Variants in CNOT7 observed in about 807,000 individuals in gnomAD.
CNOT7 encodes CCR4-NOT transcription complex subunit 7, also known as BTG1-binding factor 1.
In CNOT7, 4 loss-of-function variants were observed where a neutral mutation model predicts 37.1. That is an observed-to-expected ratio of 0.11 (90% CI 0.05 to 0.25). The LOEUF (loss-of-function observed/expected upper bound fraction) is 0.25. Among genes scored for constraint, CNOT7 ranks in the 10% least tolerant of loss-of-function variants. The pLI is 1.00. For missense variants in CNOT7, 170 were observed against 336.2 expected (o/e 0.51, Z 3.87); for synonymous variants, 128 against 115.6 (o/e 1.11, Z -0.69).
At chr8:17,238,163 A>G (rs1419820896) in intron 3 of CNOT7, among the ~76,000 whole-genome samples, 1 of 152,264 alleles carries the variant, frequency 6.6e-6, no homozygotes, top group Non-Finnish European at 1.5e-5. Context: ...TATCTGAAAT[A>G]TTAAAACAAA....
chr8:17,245,727 G>T (rs1052136341), intron 1 of CNOT7: 2 of 152,100 alleles, frequency 1.3e-5, no homozygotes, highest in Admixed American at 6.6e-5. Flanking sequence ...TAGACTAGAG[G>T]GGTCAAAAAT....
At chr8:17,238,872 CAA>C (rs1809755029) in intron 3 of CNOT7, among the ~76,000 whole-genome samples, 1 of 152,180 alleles carries the variant, frequency 6.6e-6, no homozygotes, top group African/African-American at 2.4e-5. Context: ...ACTTAGACTA[CAA>C]AGACAGCTTG....
chr8:17,240,315 C>A (rs1465650495), intron 3 of CNOT7, among the ~76,000 whole-genome samples: 1 of 152,082 alleles, frequency 6.6e-6, no homozygotes, highest in Non-Finnish European at 1.5e-5. Context: ...GAATGTAGCC[C>A]AATACAAATT....
chr8:17,231,717 G>A, intron 6 of CNOT7: 3 of 985,338 alleles, frequency 3.0e-6, no homozygotes, highest in Non-Finnish European at 3.6e-6. Context: ...AGGTGTATCT[G>A]TGCACATCAC....
rs774466745 is a variant in CNOT7, at chr8:17,228,891, A to C, written c.*1829T>G. 5 of 152,124 alleles carry C rather than the reference A, an allele frequency of 3.3e-5. No individual in the cohort carries two copies. The highest frequency in any genetic ancestry group is 1.9e-4 in the East Asian group (1 of 5,192). 9.4% of individuals were successfully genotyped at this position (152,124 alleles called of 1,614,324 possible). ...ACTTCCTTTTTAACGAAGACAAAAG[A>C]AGCCAGTTAGAAACTTACTACATTG... On this transcript the variant is annotated 3_prime_UTR_variant, in exon 7 of 7. Transcript: ENST00000361272.
At chr8:17,232,182 T>C (rs1808728234) in intron 6 of CNOT7, 1 of 1,270,072 alleles carries the variant, frequency 7.9e-7, no homozygotes, top group African/African-American at 1.5e-5. Context: ...CTACATGACT[T>C]CTCAGGTAGT....
At position 17,228,139 on chromosome 8, in the gene CNOT7, C is replaced by G. The variant is rs1808277612; in HGVS notation, c.*2581G>C. 1 of 151,834 alleles carries G rather than the reference C, an allele frequency of 6.6e-6. No homozygotes were observed. The highest frequency in any genetic ancestry group is 6.6e-5 in the Admixed American group (1 of 15,216). 9.4% of individuals were successfully genotyped at this position (151,834 alleles called of 1,614,324 possible). A position where few individuals can be genotyped will look rare whatever the true frequency, so the allele number is the denominator to read the frequency against. On this transcript the variant is annotated 3_prime_UTR_variant, in exon 7 of 7. Transcript: ENST00000361272. ...AGGAAATAATCTTTTGATTATTTTT[C>G]CCAACCATTTAAAAGCCATTTTCAG...
At chr8:17,242,849 G>A (rs1028816479) in intron 3 of CNOT7, 143 bp downstream of exon 3, 3 of 477,460 alleles carry the variant, frequency 6.3e-6, no homozygotes, top group Middle Eastern at 2.9e-4. Context: ...AGAAAACCAC[G>A]CTTTTGAAAT....
intron 4 of CNOT7, among the ~76,000 whole-genome samples, chr8:17,235,593 A>C (rs1809240128): frequency 6.6e-6 from 1 of 152,048 alleles, no homozygotes; most frequent in African/African-American, 2.4e-5. Flanking sequence ...GGCCTTTCGC[A>C]CAGCTTTCTG....
intron 3 of CNOT7, among the ~76,000 whole-genome samples, chr8:17,238,175 A>G (rs1809637174): frequency 6.6e-6 from 1 of 152,236 alleles, no homozygotes; most frequent in Non-Finnish European, 1.5e-5. Flanking sequence ...TAAAACAAAA[A>G]AGTTACCAAA....
intron 2 of CNOT7, chr8:17,244,480 TCTC>T (rs1215507250): frequency 6.6e-6 from 1 of 152,272 alleles, no homozygotes; most frequent in East Asian, 1.9e-4. Flanking sequence ...GCCCTAATGT[TCTC>T]CTGTTGAACA....
chr8:17,233,289 G>A (rs2904699), intron 5 of CNOT7, among the ~76,000 whole-genome samples: 131,914 of 152,188 alleles, frequency 0.87, 57,392 homozygotes, highest in Admixed American at 0.91. Flanking sequence ...GGCCTCCACC[G>A]GCAAAATGGC....
In CNOT7 at chr8:17,227,721, C is replaced by A. The variant is rs1808254703; in HGVS notation, c.*2999G>T. On this transcript the variant is annotated 3_prime_UTR_variant, in exon 7 of 7. Transcript: ENST00000361272. ...GTTAGTCTGATACTGTCAGTCTATT[C>A]TTTTACCAGTTATGGTGACACTGCA... 6.6e-6 allele frequency: 1 copy of A among 151,840 alleles called. No homozygotes were observed. The highest frequency in any genetic ancestry group is 2.1e-4 in the South Asian group (1 of 4,828). The allele number at this position is 151,840 out of a possible 1,614,324, so 9.4% of individuals were successfully genotyped here.
rs1483980949 is a variant in CNOT7, at chr8:17,225,419, A to T, written c.*5301T>A. 6.6e-6 allele frequency: 1 copy of T among 151,784 alleles called. No homozygotes were observed. The highest frequency in any genetic ancestry group is 1.5e-5 in the Non-Finnish European group (1 of 67,716). 9.4% of individuals were successfully genotyped at this position (151,784 alleles called of 1,614,324 possible). On this transcript the variant is annotated 3_prime_UTR_variant, in exon 7 of 7. Coordinates refer to ENST00000361272, the MANE Select transcript of CNOT7 (RefSeq NM_013354.7). ...TGACCAGTTTATCTTTAAAAAGAAAATGAGTAATTCTGGAGAAATGTAGCT... is the reference window on the plus strand; with the variant it reads ...TGACCAGTTTATCTTTAAAAAGAAATTGAGTAATTCTGGAGAAATGTAGCT...
In CNOT7 at chr8:17,245,020, C is replaced by G. The variant is rs1416191023; in HGVS notation, c.117+16G>C. On this transcript the variant is annotated intron_variant, in intron 2 of 6. Transcript: ENST00000361272. ...CCTTTATATGAAGCGTTTTAAAGATCTGCTTGTGGGCATACCATAGCAACG... is the reference window on the plus strand; with the variant it reads ...CCTTTATATGAAGCGTTTTAAAGATGTGCTTGTGGGCATACCATAGCAACG... The G allele has an allele frequency of 4.4e-6, 7 of 1,590,124 alleles. No individual in the cohort carries two copies. In the African/African-American group the frequency reaches 6.7e-5, roughly 15 times the overall value.
At chr8:17,234,653 T>G in intron 5 of CNOT7, 63 bp downstream of exon 5, 2 of 1,524,846 alleles carry the variant, frequency 1.3e-6, no homozygotes. Flanking sequence ...CAGCCTAGGC[T>G]CGCATGACAG....
chr8:17,245,340 C>A, intron 1 of CNOT7, 93 bp from the exon 2 acceptor site: 2 of 537,936 alleles, frequency 3.7e-6, no homozygotes, highest in Non-Finnish European at 5.8e-6. Flanking sequence ...GTTATTTATT[C>A]AAAGTTCTTG....
chr8:17,241,506 T>A (rs2151000162), intron 3 of CNOT7: 1 of 152,324 alleles, frequency 6.6e-6, no homozygotes, highest in South Asian at 2.1e-4. Flanking sequence ...AAATTGTGTA[T>A]ACTAAATATC....
At chr8:17,238,865 T>TA (rs1236982493) in intron 3 of CNOT7, among the ~76,000 whole-genome samples, 11 of 152,204 alleles carry the variant, frequency 7.2e-5, no homozygotes, top group African/African-American at 2.7e-4. Flanking sequence ...CTTTCTTACT[T>TA]AGACTACAAA....
Sources: allele counts gnomAD v4.1 joint callset (sites outside exome capture counted in the v4.1 genomes callset), GRCh38; gene constraint gnomAD v4.1.1; transcripts MANE v1.5; gene names NCBI Gene and HGNC (gene_info 2026-07-23, HGNC 2026-07-21).